Variants in LGALS8 observed in about 807,000 individuals in gnomAD.
The protein encoded by LGALS8 is galectin-8.
In LGALS8, 30 loss-of-function variants were observed where a neutral mutation model predicts 35.9. The ratio of observed to expected loss-of-function variants is 0.83; its 90% confidence interval spans 0.62 to 1.13. The LOEUF (loss-of-function observed/expected upper bound fraction) is 1.13. Ranked by LOEUF, LGALS8 falls within the 50% of genes most tolerant of loss-of-function variation. The pLI, the probability that LGALS8 is intolerant of heterozygous loss-of-function variation, is 0.00. For synonymous variants in LGALS8, 138 were observed against 136.1 expected (o/e 1.01, Z -0.10); for missense variants, 366 against 388.7 (o/e 0.94, Z 0.49).
intron 9 of LGALS8, chr1:236,545,219 T>C: frequency 4.9e-6 from 1 of 205,406 alleles, no homozygotes; most frequent in Non-Finnish European, 9.7e-6. Flanking sequence ...GTCACACATT[T>C]AATCATATAA....
upstream of LGALS8, among the ~76,000 whole-genome samples, chr1:236,522,294 T>A (rs1450097461): frequency 1.3e-5 from 2 of 152,216 alleles, no homozygotes; most frequent in Non-Finnish European, 1.5e-5. Flanking sequence ...TTATTTTAGC[T>A]TTGTAAAGAA....
At position 236,551,225 on chromosome 1, in the gene LGALS8, A is replaced by C; in HGVS notation, c.*3064A>C. 2 of 481,760 alleles carry C rather than the reference A, an allele frequency of 4.2e-6. No individual in the cohort carries two copies. The highest frequency in any genetic ancestry group is 3.7e-6 in the Non-Finnish European group (1 of 273,756). The allele number at this position is 481,760 out of a possible 1,614,324, so 29.8% of individuals were successfully genotyped here. A position where few individuals can be genotyped will look rare whatever the true frequency, so the allele number is the denominator to read the frequency against. ...TGGAAGCTGAATAAGAATCCCCAAA[A>C]CTCAAACTTCCTAGGGATGCCACCC... On this transcript the variant is annotated 3_prime_UTR_variant, in exon 10 of 10. Coordinates refer to ENST00000366584, the MANE Select transcript of LGALS8 (RefSeq NM_201544.4).
Position 236,539,212 on chromosome 1 carries a change from G to C in LGALS8, c.345+123G>C, listed in dbSNP as rs1223757616. 2.4e-5 allele frequency: 20 copies of C among 823,900 alleles called. No homozygotes were observed. In the Admixed American group the frequency reaches 3.4e-4, roughly 14 times the overall value. The allele number at this position is 823,900 out of a possible 1,614,324, so 51.0% of individuals were successfully genotyped here. ...CCTGAGATATAGTTTGTTTGGCTTTGTAGTTTTTCTCCATAAAAGGACCAG... is the reference window on the plus strand; with the variant it reads ...CCTGAGATATAGTTTGTTTGGCTTTCTAGTTTTTCTCCATAAAAGGACCAG... On this transcript the variant is annotated intron_variant, in intron 4 of 9. Coordinates refer to ENST00000366584, the MANE Select transcript of LGALS8 (RefSeq NM_201544.4).
intron 2 of LGALS8, among the ~76,000 whole-genome samples, chr1:236,532,817 C>G (rs1211665186): frequency 6.6e-6 from 1 of 152,038 alleles, no homozygotes; most frequent in Non-Finnish European, 1.5e-5. Flanking sequence ...GCACTCCAGC[C>G]TGGGCAACAA....
rs1194782271 is a variant in LGALS8 at position 236,552,730 on chromosome 1, C to T, written c.*4569C>T. On this transcript the variant is annotated 3_prime_UTR_variant, in exon 10 of 10. Coordinates refer to ENST00000366584, the MANE Select transcript of LGALS8 (RefSeq NM_201544.4). ...GTTAGCTTTTGAAACAAAAGCCCTA[C>T]TGGTCTTCTAATTTTGGATATTTTA... 1 of 152,220 alleles carries T rather than the reference C, an allele frequency of 6.6e-6. No individual in the cohort carries two copies. The highest frequency in any genetic ancestry group is 2.4e-5 in the African/African-American group (1 of 41,456). The allele number at this position is 152,220 out of a possible 1,614,324, so 9.4% of individuals were successfully genotyped here.
At chr1:236,544,175 A>C (rs1175721964) in intron 8 of LGALS8, among the ~76,000 whole-genome samples, 1 of 151,930 alleles carries the variant, frequency 6.6e-6, no homozygotes, top group Non-Finnish European at 1.5e-5. Flanking sequence ...CTGGTCTGGA[A>C]CTCCTGACCT....
chr1:236,551,884 G>C lies in LGALS8; in HGVS notation c.*3723G>C, dbSNP rs2103120108. On this transcript the variant is annotated 3_prime_UTR_variant, in exon 10 of 10. Transcript: ENST00000366584. ...ACTGGAGCTGCCTGTATGAGGACTG[G>C]ATCAACTGCTAGTCACGTTATATCC... 1 of 716,164 alleles carries C rather than the reference G, an allele frequency of 1.4e-6. No individual in the cohort carries two copies. The highest frequency in any genetic ancestry group is 2.6e-5 in the East Asian group (1 of 38,774). The allele number at this position is 716,164 out of a possible 1,614,324, so 44.4% of individuals were successfully genotyped here.
chr1:236,544,431 A>C (rs1662229160), intron 8 of LGALS8, among the ~76,000 whole-genome samples: 1 of 152,244 alleles, frequency 6.6e-6, no homozygotes, highest in South Asian at 2.1e-4. Flanking sequence ...CCTGCTTGAG[A>C]GGATCCCAGG....
Position 236,548,105 on chromosome 1 carries a change from A to G in LGALS8, c.898A>G (p.Ile300Val), listed in dbSNP as rs1662522971. The G allele has an allele frequency of 1.2e-6, 2 of 1,613,836 alleles. No individual in the cohort carries two copies. Among genetic ancestry groups the G allele is most frequent in the Non-Finnish European group, 8.5e-7 (1 of 1,179,822 alleles). ...YKHRFKELSSIDTLEINGDIH... is the reference protein window; with the variant it reads ...YKHRFKELSSVDTLEINGDIH... Reference sequence around the variant, plus strand: ...ACACAGATTTAAAGAGCTCAGCAGTATTGACACGCTGGAAATTAATGGAGA... The same window carrying G: ...ACACAGATTTAAAGAGCTCAGCAGTGTTGACACGCTGGAAATTAATGGAGA... Residue 300 changes from isoleucine to valine, a missense_variant, in exon 10 of 10, where the codon ATT becomes GTT. Transcript: ENST00000366584.
chr1:236,540,531 G>A (rs1661916752), intron 4 of LGALS8, 33 bp from the exon 5 acceptor site: 1 of 1,439,724 alleles, frequency 6.9e-7, no homozygotes, highest in South Asian at 1.3e-5. Flanking sequence ...TTTTTTGGTG[G>A]CGGGGGGGGC....
Position 236,548,248 on chromosome 1 carries a change from A to ATTGT in LGALS8, c.*90_*93dup, listed in dbSNP as rs750177499. The ATTGT allele has an allele frequency of 1.2e-5, 14 of 1,160,024 alleles. No individual in the cohort carries two copies. The highest frequency in any genetic ancestry group is 5.9e-5 in the South Asian group (4 of 68,144). The allele number at this position is 1,160,024 out of a possible 1,614,324, so 71.9% of individuals were successfully genotyped here. On this transcript the variant is annotated 3_prime_UTR_variant, in exon 10 of 10. Transcript: ENST00000366584. ...CTGAAACGCATCTCACTGTCATTCT[A>ATTGT]TTGTTTATATTGTTAAAATGAGCTT... is the stretch of plus-strand genomic sequence containing the variant.
intron 1 of LGALS8, 131 bp from the exon 2 acceptor site, chr1:236,525,837 C>T (rs928787887): frequency 1.4e-5 from 5 of 360,550 alleles, no homozygotes; most frequent in East Asian, 1.3e-4. Flanking sequence ...GGAGGCAGAT[C>T]GTTGATTGTA....
Position 236,525,997 on chromosome 1 carries a change from C to A in LGALS8, c.-74C>A. On this transcript the variant is annotated 5_prime_UTR_variant, in exon 2 of 10. Transcript: ENST00000366584. Reference sequence around the variant, plus strand: ...AGTGCCTCAGTTTCAATCCAGGTAACCTTTAAATGAAACTTGCCTAAAATC... The same window carrying A: ...AGTGCCTCAGTTTCAATCCAGGTAAACTTTAAATGAAACTTGCCTAAAATC... The A allele has an allele frequency of 8.5e-7, 1 of 1,177,830 alleles. No homozygotes were observed. Among genetic ancestry groups the A allele is most frequent in the Non-Finnish European group, 1.3e-6 (1 of 791,014 alleles). 73.0% of individuals were successfully genotyped at this position (1,177,830 alleles called of 1,614,324 possible).
At chr1:236,528,589 T>C (rs1184872939) in intron 2 of LGALS8, among the ~76,000 whole-genome samples, 3 of 140,458 alleles carry the variant, frequency 2.1e-5, no homozygotes, top group Non-Finnish European at 4.6e-5. Flanking sequence ...GCTCGCTCTG[T>C]CATCCAGGCT....
chr1:236,551,940 C>T lies in LGALS8; in HGVS notation c.*3779C>T, dbSNP rs544999870. 4.1e-5 allele frequency: 48 copies of T among 1,171,318 alleles called. No homozygotes were observed. The South Asian group carries it at 4.7e-4, about 11-fold the overall frequency. The allele number at this position is 1,171,318 out of a possible 1,614,324, so 72.6% of individuals were successfully genotyped here. On this transcript the variant is annotated 3_prime_UTR_variant, in exon 10 of 10. Coordinates refer to ENST00000366584, the MANE Select transcript of LGALS8 (RefSeq NM_201544.4). Reference sequence around the variant, plus strand: ...TGCATTATCATTGGGCACATTTTCACAGAATTTTACTGAATTATTCCTTAA... The same window carrying T: ...TGCATTATCATTGGGCACATTTTCATAGAATTTTACTGAATTATTCCTTAA...
At position 236,544,728 on chromosome 1, in the gene LGALS8, T is replaced by C. The variant is rs577657270; in HGVS notation, c.639-22T>C. Reference sequence around the variant, plus strand: ...TCCTACTTGGTTAATTAAGGTTTTTTTTTTTCTTTCTTTCTCAAAAGCTTT... The same window carrying C: ...TCCTACTTGGTTAATTAAGGTTTTTCTTTTTCTTTCTTTCTCAAAAGCTTT... On this transcript the variant is annotated intron_variant, in intron 8 of 9. Transcript: ENST00000366584. 8.0e-4 allele frequency: 1,251 copies of C among 1,571,414 alleles called. 6 individuals carry two copies. The African/African-American group carries it at 0.015, about 19-fold the overall frequency.
rs1662616082 is a variant in LGALS8 at position 236,549,527 on chromosome 1, T to G, written c.*1366T>G. The G allele has an allele frequency of 6.6e-6, 1 of 151,802 alleles. No homozygotes were observed. The highest frequency in any genetic ancestry group is 2.4e-5 in the African/African-American group (1 of 41,424). The allele number at this position is 151,802 out of a possible 1,614,324, so 9.4% of individuals were successfully genotyped here. ...TTGAAAAGAATACCATTGTCAATCT[T>G]ATTTTTTTAAAAGTACTCAGTGTAG... On this transcript the variant is annotated 3_prime_UTR_variant, in exon 10 of 10. Coordinates refer to ENST00000366584, the MANE Select transcript of LGALS8 (RefSeq NM_201544.4).
chr1:236,552,001 T>C lies in LGALS8; in HGVS notation c.*3840T>C. The C allele has an allele frequency of 1.3e-6, 2 of 1,585,702 alleles. No individual in the cohort carries two copies. Among genetic ancestry groups the C allele is most frequent in the Non-Finnish European group, 1.7e-6 (2 of 1,155,542 alleles). On this transcript the variant is annotated 3_prime_UTR_variant, in exon 10 of 10. Transcript: ENST00000366584. ...GTTGGGAATAGTTTGGGAATTACCTTCCATCAACTCTGCTAAGAAAGGAAT... is the reference window on the plus strand; with the variant it reads ...GTTGGGAATAGTTTGGGAATTACCTCCCATCAACTCTGCTAAGAAAGGAAT...
chr1:236,546,152 T>C (rs1449678338), intron 9 of LGALS8, among the ~76,000 whole-genome samples: 2 of 152,208 alleles, frequency 1.3e-5, no homozygotes, highest in East Asian at 3.8e-4. Flanking sequence ...ATTCAAACCA[T>C]ACCATTAGGA....
Sources: gnomAD v4.1 joint callset for allele counts (sites outside exome capture counted in the v4.1 genomes callset) on GRCh38, gnomAD v4.1.1 for gene constraint, MANE v1.5 for transcripts, NCBI Gene and HGNC (gene_info 2026-07-23, HGNC 2026-07-21) for gene names.